The following NIN variants were observed in gnomAD, a reference collection of about 807,000 sequenced individuals.
NIN encodes the protein glycogen synthase kinase 3 beta-interacting protein.
In NIN, 137 loss-of-function variants were observed where a neutral mutation model predicts 257.6. The observed-to-expected ratio is 0.53, with a 90% CI of 0.46 to 0.61. The LOEUF (loss-of-function observed/expected upper bound fraction) is 0.61. NIN is among the 20% of genes least tolerant of loss of function. The pLI, the probability that NIN is intolerant of heterozygous loss-of-function variation, is 0.00. For missense variants in NIN, 2,439 were observed against 2,501.2 expected, an observed-to-expected ratio of 0.98 and a Z score of 0.53; for synonymous variants, 918 against 919.8, an observed-to-expected ratio of 1.00 and a Z score of 0.04.
intron 17 of NIN, 87 bp from the exon 18 acceptor site, chr14:50,758,717 T>G (rs145975425): frequency 7.9e-7 from 1 of 1,269,770 alleles, no homozygotes; most frequent in African/African-American, 1.5e-5. Flanking sequence ...CTGAGAAAGC[T>G]GCTGAGCAAA....
At chr14:50,727,145 G>A in intron 29 of NIN, 1 of 489,176 alleles carries the variant, frequency 2.0e-6, no homozygotes, top group Non-Finnish European at 2.7e-6. Flanking sequence ...ATGTCTATTT[G>A]CCCAACAAAG....
At chr14:50,746,276 C>A (rs921671161) in intron 22 of NIN, among the ~76,000 whole-genome samples, 2 of 152,116 alleles carry the variant, frequency 1.3e-5, no homozygotes, top group African/African-American at 2.4e-5. Flanking sequence ...GTAATAACAG[C>A]CTTGGAATAC....
chr14:50,801,796 A>G (rs1324723571), intron 4 of NIN, among the ~76,000 whole-genome samples: 4 of 152,214 alleles, frequency 2.6e-5, no homozygotes, highest in Non-Finnish European at 5.9e-5. Flanking sequence ...TGAAACAATC[A>G]TCTGTACCAA....
Position 50,770,468 on chromosome 14 carries a change from G to C in NIN, c.1354C>G (p.Arg452Gly). 1 of 1,614,180 alleles carries C rather than the reference G, an allele frequency of 6.2e-7. No individual in the cohort carries two copies. Among genetic ancestry groups the C allele is most frequent in the Non-Finnish European group, 8.5e-7 (1 of 1,180,020 alleles). Residue 452 changes from arginine (R) to glycine (G), a missense_variant, in exon 12 of 31, where the codon CGT becomes GGT. This residue lies in a region of NIN where 2,043 missense variants were observed against 2,050.2 expected (regional missense o/e 1.00). Coordinates refer to ENST00000530997, the MANE Select transcript of NIN (RefSeq NM_020921.4). ...TCAATTTCCTGTTCAAGTTCTAAAC[G>C]CTGCTTGCCTGCCTGCTGCAGGATC... ...EQILQQAGKQ[R>G]LELEQEIEKA...
chr14:50,738,592 C>A (rs1378834499), intron 26 of NIN, among the ~76,000 whole-genome samples: 1 of 152,126 alleles, frequency 6.6e-6, no homozygotes, highest in African/African-American at 2.4e-5. Flanking sequence ...GCACAGTGGT[C>A]CCAGGCCCTT....
chr14:50,790,106 G>A (rs1448727535), intron 5 of NIN, among the ~76,000 whole-genome samples: 1 of 152,196 alleles, frequency 6.6e-6, no homozygotes, highest in Non-Finnish European at 1.5e-5. Context: ...CCAGGCTGGA[G>A]TGCAGTGGCA....
chr14:50,771,660 T>C (rs1431551630), intron 9 of NIN, among the ~76,000 whole-genome samples, 192 bp from the exon 10 acceptor site: 1 of 151,542 alleles, frequency 6.6e-6, no homozygotes, highest in Non-Finnish European at 1.5e-5. Context: ...AAGGAAAGCA[T>C]AACATGGTTA....
chr14:50,761,656 A>G lies in NIN; in HGVS notation c.1896+134T>C, dbSNP rs188350695. On this transcript the variant is annotated intron_variant, in intron 16 of 30. Transcript: ENST00000530997. ...AAGGGGCCTTGCTGTCAGCCTACAA[A>G]ACCATCCTGAGGATGTGGGTTCCCA... is the stretch of plus-strand genomic sequence containing the variant. 3 of 960,266 alleles carry G rather than the reference A, an allele frequency of 3.1e-6. No homozygotes were observed. The African/African-American group carries it at 4.9e-5, about 16-fold the overall frequency. The allele number at this position is 960,266 out of a possible 1,614,324, so 59.5% of individuals were successfully genotyped here. A position where few individuals can be genotyped will look rare whatever the true frequency, so the allele number is the denominator to read the frequency against.
At position 50,729,488 on chromosome 14, in the gene NIN, A is replaced by G. The variant is rs759190990; in HGVS notation, c.6078+35T>C. The G allele has an allele frequency of 3.2e-6, 5 of 1,576,866 alleles. No individual in the cohort carries two copies. In the South Asian group the frequency reaches 5.8e-5, roughly 18 times the overall value. On this transcript the variant is annotated intron_variant, in intron 29 of 30. Coordinates refer to ENST00000530997, the MANE Select transcript of NIN (RefSeq NM_020921.4). ...ACTTTCAAATAAACAGGTAAAATTA[A>G]CAGGTGATCTACTAGAGTAGAGAGA...
chr14:50,731,143 C>T (rs1175679825), intron 28 of NIN, among the ~76,000 whole-genome samples: 6 of 152,184 alleles, frequency 3.9e-5, no homozygotes, highest in African/African-American at 1.4e-4. Context: ...TATAAATTTA[C>T]AGACATTAAA....
In NIN at chr14:50,806,815, G is replaced by A. The variant is rs752872159; in HGVS notation, c.187C>T (p.His63Tyr). The A allele has an allele frequency of 2.2e-5, 32 of 1,468,114 alleles. No individual in the cohort carries two copies. The South Asian group carries it at 3.0e-4, about 14-fold the overall frequency. 90.9% of individuals were successfully genotyped at this position (1,468,114 alleles called of 1,614,324 possible). A position where few individuals can be genotyped will look rare whatever the true frequency, so the allele number is the denominator to read the frequency against. Reference protein sequence around the residue: ...LLQDNLLGRVHFDQFKEALIL... With the variant: ...LLQDNLLGRVYFDQFKEALIL... The stretch of plus-strand genomic sequence containing the variant: ...AATGCTTCTTTAAATTGGTCAAAAT[G>A]TACCTAAAAAAAATTAAAAATAGAT... Residue 63 changes from histidine (H) to tyrosine (Y), a missense_variant, in exon 4 of 31, where the codon CAT becomes TAT. This residue lies in a region of NIN where 387 missense variants were observed against 427.3 expected (regional missense o/e 0.91). Transcript: ENST00000530997.
At chr14:50,828,900 G>GA (rs1479121494) in intron 2 of NIN, among the ~76,000 whole-genome samples, 1 of 152,108 alleles carries the variant, frequency 6.6e-6, no homozygotes, top group African/African-American at 2.4e-5. Context: ...AAAGAAATAA[G>GA]AAAAAAGAAC....
rs1023955682 is a variant in NIN, at chr14:50,771,402, G to C, written c.1048C>G (p.Leu350Val). Residue 350 changes from leucine (L) to valine (V), a missense_variant, in exon 10 of 31, where the codon CTT becomes GTT. Leu to Val is a conservative substitution (Grantham distance 32). Transcript: ENST00000530997. ...TGAATGCTGTTCTTGGTAACCAAAA[G>C]TTCATTTTCAAGGGCCAGTGTTAAT... ...TELTLALENE[L>V]LVTKNSIHQA... 3 of 1,614,044 alleles carry C rather than the reference G, an allele frequency of 1.9e-6. No homozygotes were observed. Among genetic ancestry groups the C allele is most frequent in the Non-Finnish European group, 2.5e-6 (3 of 1,180,022 alleles).
chr14:50,792,371 G>T (rs1412774959), intron 5 of NIN: 1 of 201,324 alleles, frequency 5.0e-6, no homozygotes, highest in South Asian at 1.3e-4. Flanking sequence ...GAGCTGGTTC[G>T]CCTTTTAAAT....
chr14:50,796,671 G>A (rs187362693), intron 4 of NIN, among the ~76,000 whole-genome samples: 1 of 152,280 alleles, frequency 6.6e-6, no homozygotes, highest in East Asian at 1.9e-4. Context: ...AAAATATGGT[G>A]TCAGGGAGAA....
In NIN at chr14:50,758,551, CAG is replaced by C. The variant is rs769343255; in HGVS notation, c.2477_2478del (p.Thr826ArgfsTer4). 1 of 1,613,324 alleles carries C rather than the reference CAG, an allele frequency of 6.2e-7. No homozygotes were observed. Reference protein sequence around the residue: ...AQFQSDCQKVTERCESALQSL... With the variant: ...AQFQSDCQKVXERCESALQSL... Reference sequence around the variant, plus strand: ...CTTTGCAGAGCGCTTTCACACCTCTCAGTGACTTTCTGACAATCAGACTGAAA... The same window carrying C: ...CTTTGCAGAGCGCTTTCACACCTCTCTGACTTTCTGACAATCAGACTGAAA... On this transcript the variant is annotated frameshift_variant, in exon 18 of 31. Transcript: ENST00000530997. LOFTEE classifies it high-confidence loss of function.
intron 6 of NIN, 90 bp from the exon 7 acceptor site, chr14:50,777,229 A>T (rs915089209): frequency 3.8e-6 from 4 of 1,048,900 alleles, no homozygotes; most frequent in African/African-American, 1.6e-5. Flanking sequence ...TTTGAAAATA[A>T]ATACTGTAAG....
Position 50,770,561 on chromosome 14 carries a change from T to C in NIN, c.1261A>G (p.Lys421Glu). ...IERRNEYNLR[K>E]LDEEYKERIA... is the part of the protein sequence containing the mutation. ...CGCTCCTTGTACTCTTCATCCAGTT[T>C]CCTGTAACGAAGAAAAATGGACAAG... Residue 421 changes from lysine to glutamate, a missense_variant and splice_region_variant, in exon 12 of 31, where the codon AAA becomes GAA. Transcript: ENST00000530997. 3 of 1,612,392 alleles carry C rather than the reference T, an allele frequency of 1.9e-6. No individual in the cohort carries two copies. Among genetic ancestry groups the C allele is most frequent in the Admixed American group, 3.4e-5 (2 of 59,582 alleles).
intron 27 of NIN, 73 bp from the exon 28 acceptor site, chr14:50,735,690 A>C: frequency 6.7e-7 from 1 of 1,492,162 alleles, no homozygotes; most frequent in Non-Finnish European, 8.9e-7. Context: ...TTATTTTGAC[A>C]AATCTGTGCT....
Sources: allele counts gnomAD v4.1 joint callset (sites outside exome capture counted in the v4.1 genomes callset), GRCh38; gene constraint gnomAD v4.1.1; regional missense constraint gnomAD v4.1.1; transcripts MANE v1.5; gene names NCBI Gene and HGNC (gene_info 2026-07-23, HGNC 2026-07-21).